Variants in RPS6KC1 observed in about 807,000 individuals in gnomAD.
RPS6KC1 encodes inactive ribosomal protein S6 kinase delta-1.
In RPS6KC1, 54 loss-of-function variants were observed where a neutral mutation model predicts 103.8. That is an observed-to-expected ratio of 0.52 (90% CI 0.42 to 0.65). The LOEUF (loss-of-function observed/expected upper bound fraction) is 0.65. RPS6KC1 is among the 30% of genes least tolerant of loss of function. The pLI is 0.00. For missense variants in RPS6KC1, 1,151 were observed against 1,253.8 expected (o/e 0.92, Z 1.24); for synonymous variants, 439 against 438.7 (o/e 1.00, Z -0.01).
At chr1:213,474,659 CTG>C in the RPS6KC1 span, among the ~76,000 whole-genome samples, 2 of 152,190 alleles carry the variant, frequency 1.3e-5, no homozygotes, top group African/African-American at 4.8e-5. Context: ...GCATATGTAT[CTG>C]TGTCTGCAAA....
the RPS6KC1 span, among the ~76,000 whole-genome samples, chr1:213,731,083 T>A: frequency 7.9e-5 from 12 of 152,208 alleles, no homozygotes; most frequent in Admixed American, 3.9e-4. Context: ...GTTGTAGGTA[T>A]GCAGTCTTAT....
intron 8 of RPS6KC1, among the ~76,000 whole-genome samples, chr1:213,207,193 A>G (rs947521011): frequency 2.6e-5 from 4 of 152,314 alleles, no homozygotes; most frequent in African/African-American, 9.6e-5. Flanking sequence ...TATTCAGAAA[A>G]GCTACAGAAA....
At chr1:213,257,055 T>C (rs1044732636) in intron 12 of RPS6KC1, among the ~76,000 whole-genome samples, 1 of 152,176 alleles carries the variant, frequency 6.6e-6, no homozygotes, top group Admixed American at 6.5e-5. Flanking sequence ...AAAATAGTAA[T>C]AGTAAAACAA....
chr1:213,453,780 C>G, the RPS6KC1 span, among the ~76,000 whole-genome samples: 2 of 152,144 alleles, frequency 1.3e-5, no homozygotes, highest in Admixed American at 1.3e-4. Flanking sequence ...AGAAGTTTGC[C>G]TAAGCAGTTG....
At chr1:213,090,569 T>C (rs928501839) in intron 3 of RPS6KC1, among the ~76,000 whole-genome samples, 1 of 152,260 alleles carries the variant, frequency 6.6e-6, no homozygotes, top group Non-Finnish European at 1.5e-5. Flanking sequence ...TATAAATTCA[T>C]ACAGTTTCTT....
At chr1:213,430,260 C>T in the RPS6KC1 span, among the ~76,000 whole-genome samples, 2 of 152,138 alleles carry the variant, frequency 1.3e-5, no homozygotes, top group East Asian at 3.8e-4. Context: ...GTGAAACTGC[C>T]CATTTCCAGC....
At chr1:213,134,942 C>G (rs558496186) in intron 6 of RPS6KC1, among the ~76,000 whole-genome samples, 2 of 152,214 alleles carry the variant, frequency 1.3e-5, no homozygotes, top group East Asian at 3.9e-4. Flanking sequence ...AATGCTCTGG[C>G]TAGAACTTCC....
the RPS6KC1 span, among the ~76,000 whole-genome samples, chr1:213,334,273 A>T: frequency 6.6e-6 from 1 of 152,228 alleles, no homozygotes; most frequent in African/African-American, 2.4e-5. Flanking sequence ...CCCCCAGGAC[A>T]TACAGGTGCT....
the RPS6KC1 span, among the ~76,000 whole-genome samples, chr1:213,434,592 A>T: frequency 6.6e-5 from 10 of 152,022 alleles, no homozygotes; most frequent in Admixed American, 2.6e-4. Flanking sequence ...AGTAACTCAG[A>T]CTACAGGTGC....
At chr1:213,146,187 T>G (rs2087800808) in intron 6 of RPS6KC1, among the ~76,000 whole-genome samples, 1 of 151,760 alleles carries the variant, frequency 6.6e-6, no homozygotes, top group Non-Finnish European at 1.5e-5. Flanking sequence ...ACAATAATTT[T>G]CAGTTCCATC....
chr1:213,507,361 C>A, the RPS6KC1 span, among the ~76,000 whole-genome samples: 1 of 152,118 alleles, frequency 6.6e-6, no homozygotes, highest in African/African-American at 2.4e-5. Context: ...TAGAGAGACC[C>A]TGGGAGCAGA....
At chr1:213,783,716 A>G in the RPS6KC1 span, among the ~76,000 whole-genome samples, 1 of 151,630 alleles carries the variant, frequency 6.6e-6, no homozygotes, top group African/African-American at 2.4e-5. Flanking sequence ...TCTAAAATCT[A>G]AAAGACTCCA....
chr1:213,195,821 GGTGTGTGTGT>G (rs60968477), intron 8 of RPS6KC1, among the ~76,000 whole-genome samples: 13 of 149,630 alleles, frequency 8.7e-5, no homozygotes, highest in African/African-American at 3.2e-4. Context: ...AGTATTCCAT[GGTGTGTGTGT>G]GTGTGTGTGT....
At chr1:213,108,537 A>G (rs1037853995) in intron 4 of RPS6KC1, among the ~76,000 whole-genome samples, 1 of 152,138 alleles carries the variant, frequency 6.6e-6, no homozygotes, top group African/African-American at 2.4e-5. Context: ...TTACTTTTTC[A>G]AAATTGTTAT....
chr1:213,080,486 G>T (rs917818848), intron 3 of RPS6KC1, among the ~76,000 whole-genome samples: 21 of 152,116 alleles, frequency 1.4e-4, no homozygotes, highest in Non-Finnish European at 3.1e-4. Context: ...GTCAAAGGTG[G>T]TAATATTTAT....
the RPS6KC1 span, among the ~76,000 whole-genome samples, chr1:213,604,616 T>C: frequency 6.6e-6 from 1 of 152,182 alleles, no homozygotes; most frequent in Non-Finnish European, 1.5e-5. Context: ...GTCCCTGAAA[T>C]CCAGTATCTC....
the RPS6KC1 span, among the ~76,000 whole-genome samples, chr1:213,350,447 G>T: frequency 6.6e-6 from 1 of 152,170 alleles, no homozygotes; most frequent in African/African-American, 2.4e-5. Context: ...AGATGTGGGA[G>T]TGTGTGTGTA....
intron 2 of RPS6KC1, among the ~76,000 whole-genome samples, chr1:213,072,454 A>G (rs2078974419): frequency 6.6e-6 from 1 of 151,990 alleles, no homozygotes; most frequent in African/African-American, 2.4e-5. Context: ...AGGCTGAGGT[A>G]GGAGAACTGC....
chr1:213,270,261 T>C lies in RPS6KC1; in HGVS notation c.3091-2263T>C, dbSNP rs1477079162. ...AAACAAAATGAACTTAGACCCTTCATACTGTTTGCAAAGGTTAACTCAGAA... is the reference window on the plus strand; with the variant it reads ...AAACAAAATGAACTTAGACCCTTCACACTGTTTGCAAAGGTTAACTCAGAA... On this transcript the variant is annotated intron_variant, in intron 14 of 14. Coordinates refer to ENST00000366960, the MANE Select transcript of RPS6KC1 (RefSeq NM_012424.6). Among the ~76,000 whole-genome samples the C allele has an allele frequency of 2.0e-5, 3 of 152,178 alleles. No homozygotes were observed. In the East Asian group the frequency reaches 5.8e-4, roughly 29 times the overall value.
Sources: allele counts gnomAD v4.1 joint callset (sites outside exome capture counted in the v4.1 genomes callset), GRCh38; gene constraint gnomAD v4.1.1; transcripts MANE v1.5; gene names NCBI Gene and HGNC (gene_info 2026-07-23, HGNC 2026-07-21).